Variants in GRM1 observed in about 807,000 individuals in gnomAD.
GRM1 encodes glutamate metabotropic receptor 1, also known as metabotropic glutamate receptor 1.
In GRM1, 33 loss-of-function variants were observed where a neutral mutation model predicts 90.9. The ratio of observed to expected loss-of-function variants is 0.36; its 90% CI spans 0.28 to 0.49. GRM1 has a LOEUF of 0.49. GRM1 is among the 20% of genes least tolerant of loss of function. GRM1 has a pLI of 0.99. For missense variants in GRM1, 1,190 were observed against 1,534.3 expected (o/e 0.78, Z 3.75); for synonymous variants, 700 against 613.2 (o/e 1.14, Z -2.09).
intron 4 of GRM1, among the ~76,000 whole-genome samples, chr6:146,356,379 T>G (rs898677642): frequency 9.2e-5 from 14 of 152,190 alleles, no homozygotes; most frequent in Admixed American, 9.2e-4. Flanking sequence ...TGCTTTCTGG[T>G]TCACAAATGG....
intron 3 of GRM1, among the ~76,000 whole-genome samples, chr6:146,325,177 T>C (rs561449388): frequency 6.6e-6 from 1 of 151,538 alleles, no homozygotes; most frequent in African/African-American, 2.4e-5. Flanking sequence ...ACTAGTGAAG[T>C]CTTCTTCTCT....
chr6:146,342,269 A>G (rs1785012135), intron 3 of GRM1, among the ~76,000 whole-genome samples: 1 of 152,260 alleles, frequency 6.6e-6, no homozygotes, highest in African/African-American at 2.4e-5. Flanking sequence ...TGGTCTCTGT[A>G]TTAACATCAT....
chr6:146,129,216 T>A (rs1010497132), intron 1 of GRM1, among the ~76,000 whole-genome samples: 4 of 152,172 alleles, frequency 2.6e-5, no homozygotes, highest in Admixed American at 2.0e-4. Flanking sequence ...AATATATGTG[T>A]AGTACAGGAA....
At chr6:146,418,020 C>A (rs555649051) in intron 7 of GRM1, among the ~76,000 whole-genome samples, 2 of 152,078 alleles carry the variant, frequency 1.3e-5, no homozygotes, top group East Asian at 3.9e-4. Context: ...TATGTGAGAA[C>A]AAACACTTAA....
intron 1 of GRM1, 94 bp from the exon 2 acceptor site, chr6:146,159,254 T>C: frequency 6.8e-7 from 1 of 1,478,652 alleles, no homozygotes; most frequent in Non-Finnish European, 9.5e-7. Context: ...AAGTCCGTTC[T>C]CTCCATTCCT....
At chr6:146,235,300 ATCT>A in intron 2 of GRM1, among the ~76,000 whole-genome samples, 1 of 151,868 alleles carries the variant, frequency 6.6e-6, no homozygotes, top group Non-Finnish European at 1.5e-5. Context: ...TGTTATTCCT[ATCT>A]TTGTTCCTCT....
intron 2 of GRM1, among the ~76,000 whole-genome samples, chr6:146,172,373 T>C (rs768416043): frequency 5.9e-5 from 9 of 152,206 alleles, no homozygotes; most frequent in Non-Finnish European, 1.3e-4. Flanking sequence ...CAGGACATTC[T>C]CCCTAATTTC....
At chr6:146,131,889 G>T (rs145024388) in intron 1 of GRM1, among the ~76,000 whole-genome samples, 2 of 152,256 alleles carry the variant, frequency 1.3e-5, no homozygotes, top group African/African-American at 4.8e-5. Flanking sequence ...CAAGATAGGG[G>T]CCACTTTATA....
At chr6:146,289,337 T>G (rs2114878967) in intron 2 of GRM1, among the ~76,000 whole-genome samples, 1 of 152,182 alleles carries the variant, frequency 6.6e-6, no homozygotes, top group Non-Finnish European at 1.5e-5. Flanking sequence ...ACAAAAAAGA[T>G]TAAAAAGTTT....
chr6:146,162,043 A>G (rs1310729235), intron 2 of GRM1, among the ~76,000 whole-genome samples: 3 of 152,200 alleles, frequency 2.0e-5, no homozygotes, highest in African/African-American at 7.2e-5. Context: ...GTCAGCAGAC[A>G]TGTCCAGAAT....
At chr6:146,088,089 C>T (rs9403769) in intron 1 of GRM1, among the ~76,000 whole-genome samples, 7 of 152,104 alleles carry the variant, frequency 4.6e-5, no homozygotes, top group Admixed American at 2.0e-4. Flanking sequence ...TCTCTACATC[C>T]TACCAGCATT....
intron 1 of GRM1, among the ~76,000 whole-genome samples, chr6:146,079,918 C>G (rs1291842956): frequency 6.6e-6 from 1 of 152,070 alleles, no homozygotes; most frequent in East Asian, 1.9e-4. Flanking sequence ...TTAAAAGATG[C>G]CTGGATTTCA....
In GRM1 at chr6:146,399,283, C is replaced by A. The variant is rs765918733; in HGVS notation, c.2244C>A (p.Thr748=). The change falls in exon 7 of 8, where the codon ACC becomes ACA. Residue 748 remains threonine (T), a synonymous_variant. Transcript: ENST00000282753. The surrounding 1 kb of genome is among the most constrained non-coding windows in gnomAD (Gnocchi z 5.4). The part of the protein sequence containing the change: ...SIKEVYLICN[T]SNLGVVAPLG... ...AGGAAGTCTACCTTATCTGCAATACCAGCAACCTGGGTGTGGTGGCCCCTT... is the reference window on the plus strand; with the variant it reads ...AGGAAGTCTACCTTATCTGCAATACAAGCAACCTGGGTGTGGTGGCCCCTT... The A allele has an allele frequency of 5.6e-5, 90 of 1,613,976 alleles. No homozygotes were observed. The highest frequency in any genetic ancestry group is 7.3e-5 in the Non-Finnish European group (86 of 1,180,038).
intron 1 of GRM1, among the ~76,000 whole-genome samples, chr6:146,077,047 A>G (rs1463249258): frequency 6.6e-6 from 1 of 152,214 alleles, no homozygotes; most frequent in Non-Finnish European, 1.5e-5. Flanking sequence ...GACTGATAGT[A>G]GGATATTTCG....
intron 1 of GRM1, among the ~76,000 whole-genome samples, chr6:146,107,200 T>G (rs1583011231): frequency 6.6e-6 from 1 of 152,140 alleles, no homozygotes; most frequent in East Asian, 1.9e-4. Context: ...ATTCTTGAAT[T>G]TTTTCTATGA....
At chr6:146,032,716 G>A (rs1313205491) in intron 1 of GRM1, among the ~76,000 whole-genome samples, 6 of 152,088 alleles carry the variant, frequency 3.9e-5, no homozygotes, top group South Asian at 2.1e-4. Context: ...GGGGCCTCTC[G>A]TGACCTTCAT....
chr6:146,176,110 A>AT (rs2114527049), intron 2 of GRM1, among the ~76,000 whole-genome samples: 1 of 152,242 alleles, frequency 6.6e-6, no homozygotes, highest in South Asian at 2.1e-4. Flanking sequence ...TTTAGGCTTC[A>AT]TAGGTATTCA....
chr6:146,377,824 T>C (rs550946265), intron 5 of GRM1, among the ~76,000 whole-genome samples: 2 of 152,198 alleles, frequency 1.3e-5, no homozygotes, highest in East Asian at 1.9e-4. Flanking sequence ...ATGGCTAAAA[T>C]GGGCCAAGGT....
chr6:146,394,886 A>G (rs1285060459), intron 6 of GRM1, among the ~76,000 whole-genome samples: 1 of 152,120 alleles, frequency 6.6e-6, no homozygotes, highest in Non-Finnish European at 1.5e-5. Context: ...CAATTTTATC[A>G]ATGTCCCATA....
Sources: allele counts gnomAD v4.1 joint callset (sites outside exome capture counted in the v4.1 genomes callset), GRCh38; gene constraint gnomAD v4.1.1; non-coding constraint Gnocchi (gnomAD v3.1); transcripts MANE v1.5; gene names NCBI Gene and HGNC (gene_info 2026-07-23, HGNC 2026-07-21).